Variants in DYSF observed in about 807,000 individuals in gnomAD.
DYSF encodes the protein dystrophy-associated fer-1-like 1.
DYSF carries 212 observed loss-of-function variants against 274.9 expected under a neutral mutation model. That is an observed-to-expected ratio of 0.77 (90% confidence interval 0.69 to 0.86). The LOEUF is 0.86. Ranked by LOEUF, DYSF falls within the 40% of genes least tolerant of loss-of-function variation. DYSF has a pLI of 0.00. For synonymous variants in DYSF, 1,091 were observed against 1,078.7 expected (o/e 1.01, Z -0.22); for missense variants, 2,666 against 2,783.2 (o/e 0.96, Z 0.95).
At chr2:71,585,472 C>G (rs1298374088) in intron 30 of DYSF, among the ~76,000 whole-genome samples, 1 of 152,190 alleles carries the variant, frequency 6.6e-6, no homozygotes, top group Non-Finnish European at 1.5e-5. Context: ...GAGGGAGATG[C>G]TTCCCCAAAG....
At chr2:71,518,076 T>C (rs1182131874) in intron 10 of DYSF, among the ~76,000 whole-genome samples, 1 of 152,050 alleles carries the variant, frequency 6.6e-6, no homozygotes, top group Non-Finnish European at 1.5e-5. Flanking sequence ...GGTTCAGATA[T>C]GGATCCCTGG....
At chr2:71,653,655 T>A (rs1307661618) in intron 42 of DYSF, among the ~76,000 whole-genome samples, 1 of 101,798 alleles carries the variant, frequency 9.8e-6, no homozygotes, top group Non-Finnish European at 1.8e-5. Flanking sequence ...CTCTGGGGCC[T>A]GTTGTGGGGT....
chr2:71,571,776 C>T (rs1237518862), intron 29 of DYSF, among the ~76,000 whole-genome samples: 1 of 145,374 alleles, frequency 6.9e-6, no homozygotes, highest in Non-Finnish European at 1.5e-5. Flanking sequence ...ACACCCAGCA[C>T]ACACACAGAT....
chr2:71,479,147 G>A (rs1573385306), intron 1 of DYSF, among the ~76,000 whole-genome samples: 1 of 78,656 alleles, frequency 1.3e-5, no homozygotes, highest in African/African-American at 3.7e-5. Flanking sequence ...GGTGGAATGA[G>A]GTGATCTTTA....
intron 1 of DYSF, among the ~76,000 whole-genome samples, chr2:71,458,181 A>G (rs2081147801): frequency 6.6e-6 from 1 of 152,202 alleles, no homozygotes; most frequent in Non-Finnish European, 1.5e-5. Flanking sequence ...ATCATTCTGG[A>G]GAGTTTATGT....
At chr2:71,491,846 C>T (rs568189337) in intron 3 of DYSF, among the ~76,000 whole-genome samples, 1 of 152,292 alleles carries the variant, frequency 6.6e-6, no homozygotes, top group East Asian at 1.9e-4. Context: ...TATGTCTTTA[C>T]TATTGTGAAT....
chr2:71,485,845 GCT>G (rs1331320592), intron 3 of DYSF, among the ~76,000 whole-genome samples: 1 of 152,182 alleles, frequency 6.6e-6, no homozygotes, highest in Non-Finnish European at 1.5e-5. Flanking sequence ...ATGGAGTCTT[GCT>G]CTGTTGCCCA....
At chr2:71,566,077 C>A (rs769349480) in intron 24 of DYSF, among the ~76,000 whole-genome samples, 1 of 152,174 alleles carries the variant, frequency 6.6e-6, no homozygotes, top group Non-Finnish European at 1.5e-5. Context: ...CCATTAGATT[C>A]TAACCTCCTG....
intron 36 of DYSF, among the ~76,000 whole-genome samples, chr2:71,609,974 A>G (rs946084477): frequency 2.0e-5 from 3 of 152,234 alleles, no homozygotes; most frequent in African/African-American, 2.4e-5. Context: ...TAAAGTGTCT[A>G]TCACAGTCCT....
intron 1 of DYSF, chr2:71,454,182 C>T (rs1164173539): frequency 5.5e-6 from 7 of 1,263,820 alleles, no homozygotes; most frequent in Non-Finnish European, 1.1e-6. Context: ...AGCTGAGAGA[C>T]AGGAGACTTT....
chr2:71,516,596 A>G (rs1285911626), intron 9 of DYSF, among the ~76,000 whole-genome samples: 1 of 152,178 alleles, frequency 6.6e-6, no homozygotes, highest in Non-Finnish European at 1.5e-5. Context: ...TTAAGGTTCC[A>G]TCTTATTTTG....
Position 71,515,685 on chromosome 2 carries a change from G to A in DYSF, c.822G>A (p.Lys274=). 1.2e-6 allele frequency: 2 copies of A among 1,614,092 alleles called. No individual in the cohort carries two copies. Among genetic ancestry groups the A allele is most frequent in the Non-Finnish European group, 1.7e-6 (2 of 1,180,010 alleles). Reference sequence around the variant, plus strand: ...GGGTGAACATCAAGCCTGTGGTCAAGGTTACCGCTGCAGGGCAGACCAAGC... The same window carrying A: ...GGGTGAACATCAAGCCTGTGGTCAAAGTTACCGCTGCAGGGCAGACCAAGC... ...LPGVNIKPVV[K]VTAAGQTKRT... is the part of the protein sequence containing the mutation. Residue 274 remains lysine, a synonymous_variant, in exon 8 of 56, where the codon AAG becomes AAA. Coordinates refer to ENST00000410020, the MANE Select transcript of DYSF (RefSeq NM_001130987.2).
chr2:71,496,909 C>T (rs1400593675), intron 3 of DYSF, among the ~76,000 whole-genome samples: 1 of 152,182 alleles, frequency 6.6e-6, no homozygotes, highest in Non-Finnish European at 1.5e-5. Context: ...TTTCATGATG[C>T]ACTCATGGGC....
chr2:71,516,182 T>C lies in DYSF; in HGVS notation c.891T>C (p.Thr297=), dbSNP rs2152735262. ...HKGNSPLFNE[T]LFFNLFDSPG... is the part of the protein sequence containing the mutation. Reference sequence around the variant, plus strand: ...CTCTCTTTGCTCTGAACCAACAGACTCTTTTCTTCAACTTGTTTGACTCTC... The same window carrying C: ...CTCTCTTTGCTCTGAACCAACAGACCCTTTTCTTCAACTTGTTTGACTCTC... Residue 297 remains threonine (T), a splice_region_variant and synonymous_variant, in exon 9 of 56, where the codon ACT becomes ACC. Coordinates refer to ENST00000410020, the MANE Select transcript of DYSF (RefSeq NM_001130987.2). 6.2e-7 allele frequency: 1 copy of C among 1,614,180 alleles called. No individual in the cohort carries two copies. Among genetic ancestry groups the C allele is most frequent in the Middle Eastern group, 1.7e-4 (1 of 6,060 alleles).
intron 4 of DYSF, among the ~76,000 whole-genome samples, chr2:71,509,107 C>T (rs766784800): frequency 9.9e-5 from 15 of 152,246 alleles, no homozygotes; most frequent in African/African-American, 1.4e-4. Context: ...TCACCCACCT[C>T]GGCCTCCCAA....
At chr2:71,481,001 T>C in intron 2 of DYSF, 63 bp downstream of exon 2, 6 of 1,525,968 alleles carry the variant, frequency 3.9e-6, no homozygotes, top group Non-Finnish European at 5.5e-6. Flanking sequence ...CAGGGACAAG[T>C]TAGGGGGCTT....
At position 71,664,379 on chromosome 2, in the gene DYSF, G is replaced by A; in HGVS notation, c.5115G>A (p.Leu1705=). The A allele has an allele frequency of 6.2e-7, 1 of 1,614,186 alleles. No individual in the cohort carries two copies. Residue 1705 remains leucine (L), a synonymous_variant, in exon 46 of 56, where the codon CTG becomes CTA. Coordinates refer to ENST00000410020, the MANE Select transcript of DYSF (RefSeq NM_001130987.2). Reference sequence around the variant, plus strand: ...AGATCGGTGAGACGGTCGTCGACCTGGAGAACAGGCTGCTGTCCAAGTTTG... The same window carrying A: ...AGATCGGTGAGACGGTCGTCGACCTAGAGAACAGGCTGCTGTCCAAGTTTG... ...DEKIGETVVD[L]ENRLLSKFGA... is the part of the protein sequence containing the mutation.
At chr2:71,566,386 A>G (rs1407080079) in intron 24 of DYSF, among the ~76,000 whole-genome samples, 1 of 150,572 alleles carries the variant, frequency 6.6e-6, no homozygotes, top group Non-Finnish European at 1.5e-5. Flanking sequence ...AAGATATAGA[A>G]TTGTTTCTCG....
intron 32 of DYSF, among the ~76,000 whole-genome samples, chr2:71,594,864 G>C (rs1201879623): frequency 2.0e-5 from 3 of 152,204 alleles, no homozygotes; most frequent in Non-Finnish European, 1.5e-5. Context: ...CTATTAAGTA[G>C]CACATCACCT....
Sources: allele counts gnomAD v4.1 joint callset (sites outside exome capture counted in the v4.1 genomes callset), GRCh38; gene constraint gnomAD v4.1.1; transcripts MANE v1.5; gene names NCBI Gene and HGNC (gene_info 2026-07-23, HGNC 2026-07-21).